Variants in STX2 observed in about 807,000 individuals in gnomAD.
The protein encoded by STX2 is syntaxin 2.
Under a neutral mutation model 40.6 loss-of-function variants are expected in STX2, and 27 were observed. That is an observed-to-expected ratio of 0.66 (90% CI 0.49 to 0.92). The LOEUF is 0.92. STX2 is among the 40% of genes least tolerant of loss of function. STX2 has a pLI of 0.00. For synonymous variants in STX2, 123 were observed against 119.1 expected (o/e 1.03, Z -0.22); for missense variants, 328 against 366.1 (o/e 0.90, Z 0.85).
intron 3 of STX2, among the ~76,000 whole-genome samples, chr12:130,818,185 A>AAAAAAAAATATATATATATATATAT: frequency 5.7e-5 from 4 of 70,542 alleles, no homozygotes; most frequent in African/African-American, 1.2e-4. Flanking sequence ...AAAAAAAAAA[A>AAAAAAAAATATATATATATATATAT]ATATATATAT....
chr12:130,819,665 T>C (rs531387527), intron 3 of STX2, among the ~76,000 whole-genome samples: 7 of 152,248 alleles, frequency 4.6e-5, no homozygotes, highest in East Asian at 1.9e-4. Flanking sequence ...CAAATATAAT[T>C]TCCCTAAGCA....
At chr12:130,826,456 G>A (rs1165257592) in intron 2 of STX2, among the ~76,000 whole-genome samples, 8 of 152,162 alleles carry the variant, frequency 5.3e-5, no homozygotes, top group Non-Finnish European at 1.2e-4. Context: ...AGAAGTGGCC[G>A]CCCACCAGCA....
At chr12:130,822,929 G>C (rs554995215) in intron 2 of STX2, among the ~76,000 whole-genome samples, 2 of 152,350 alleles carry the variant, frequency 1.3e-5, no homozygotes, top group South Asian at 4.1e-4. Context: ...AGTAGATGGA[G>C]ATCCAGCTAC....
chr12:130,812,270 G>T, intron 4 of STX2: 1 of 426,470 alleles, frequency 2.3e-6, no homozygotes, highest in Non-Finnish European at 4.6e-6. Context: ...TATAATTGTG[G>T]TTGTGCTTTT....
Position 130,808,642 on chromosome 12 carries a change from G to A in STX2, c.343C>T (p.Arg115Ter), listed in dbSNP as rs763502332. ...GGCTGATAGCAAACCTGGGTTCTTC[G>A]TATCCGAAGATCCACTGAAGTCCGG... ...GNRTSVDLRI[R>*]RTQHSVLSRK... The change falls in exon 5 of 11, where the codon CGA becomes TGA. Residue 115 changes from arginine (R) to a stop codon, truncating the protein, a stop_gained. Transcript: ENST00000392373. LOFTEE classifies it high-confidence loss of function. 2 of 1,613,094 alleles carry A rather than the reference G, an allele frequency of 1.2e-6. No homozygotes were observed. Among genetic ancestry groups the A allele is most frequent in the South Asian group, 1.1e-5 (1 of 90,714 alleles).
chr12:130,818,498 G>A (rs1408818988), intron 3 of STX2, among the ~76,000 whole-genome samples: 1 of 152,068 alleles, frequency 6.6e-6, no homozygotes, highest in Non-Finnish European at 1.5e-5. Context: ...TGCGTCCAAG[G>A]CCACACAGGG....
intron 1 of STX2, among the ~76,000 whole-genome samples, chr12:130,833,445 C>G (rs1158753264): frequency 7.0e-6 from 1 of 143,454 alleles, no homozygotes; most frequent in African/African-American, 2.6e-5. Context: ...GATTCCCACT[C>G]TGTTAGCCAG....
At position 130,807,952 on chromosome 12, in the gene STX2, G is replaced by A. The variant is rs531717598; in HGVS notation, c.354+679C>T. Among the ~76,000 whole-genome samples, 77 of 152,210 alleles carry A rather than the reference G, an allele frequency of 5.1e-4. 1 individual carries two copies. In the South Asian group the frequency reaches 0.016, roughly 31 times the overall value. On this transcript the variant is annotated intron_variant, in intron 5 of 10. Coordinates refer to ENST00000392373, the MANE Select transcript of STX2 (RefSeq NM_194356.4). ...GCCTCCTGCACAAAGTGCTCACAAG[G>A]AAATTCCTCGTAGGTCCCAGAATCT...
At chr12:130,814,214 T>C (rs927443015) in intron 3 of STX2, among the ~76,000 whole-genome samples, 1 of 151,784 alleles carries the variant, frequency 6.6e-6, no homozygotes, top group Non-Finnish European at 1.5e-5. Context: ...TGCAGGCCCG[T>C]GTCATCTAAG....
rs762904964 is a variant in STX2, at chr12:130,796,150, A to G, written c.787-30T>C. 2.5e-6 allele frequency: 4 copies of G among 1,612,658 alleles called. No individual in the cohort carries two copies. The Middle Eastern group carries it at 6.6e-4, about 266-fold the overall frequency. Reference sequence around the variant, plus strand: ...CAAAGAAAAGCAAGCTGATTATATCATGCATGGTTAATTTCATATTGCCAC... The same window carrying G: ...CAAAGAAAAGCAAGCTGATTATATCGTGCATGGTTAATTTCATATTGCCAC... On this transcript the variant is annotated intron_variant, in intron 9 of 10. Transcript: ENST00000392373.
chr12:130,811,406 A>C (rs1391782314), intron 4 of STX2, among the ~76,000 whole-genome samples: 6 of 151,916 alleles, frequency 3.9e-5, no homozygotes, highest in Non-Finnish European at 2.9e-5. Flanking sequence ...ACTTCTAATG[A>C]ATTATGGATC....
chr12:130,818,185 A>AAAATATAT, intron 3 of STX2, among the ~76,000 whole-genome samples: 20 of 70,540 alleles, frequency 2.8e-4, no homozygotes, highest in African/African-American at 1.1e-3. Context: ...AAAAAAAAAA[A>AAAATATAT]ATATATATAT....
chr12:130,819,847 C>G (rs1439514981), intron 3 of STX2, among the ~76,000 whole-genome samples: 1 of 151,846 alleles, frequency 6.6e-6, no homozygotes, highest in Non-Finnish European at 1.5e-5. Flanking sequence ...GAAGAGGTCC[C>G]CGGAAAGATC....
rs1776513361 is a variant in STX2, at chr12:130,798,555, T to C, written c.756A>G (p.Lys252=). The stretch of plus-strand genomic sequence containing the variant: ...TTGCCTTGCTCTGATATTTGATAGC[T>C]TTTTTTGTTTCTTCTTTAGCGTGTT... ...YVEHAKEETK[K]AIKYQSKARR... The change falls in exon 9 of 11, where the codon AAA becomes AAG. Residue 252 remains lysine, a synonymous_variant. Transcript: ENST00000392373. The C allele has an allele frequency of 6.2e-7, 1 of 1,604,004 alleles. No individual in the cohort carries two copies. The highest frequency in any genetic ancestry group is 8.5e-7 in the Non-Finnish European group (1 of 1,177,002).
At chr12:130,808,523 T>G in intron 5 of STX2, 108 bp downstream of exon 5, 31 of 963,602 alleles carry the variant, frequency 3.2e-5, no homozygotes, top group Non-Finnish European at 3.9e-5. Context: ...AGAAATACTA[T>G]GAGGATAAGC....
rs1950893889 is a variant in STX2, at chr12:130,792,106, T to C, written c.*46-129A>G. ...CCATTATCAAGAAAGGACTCCTCCA[T>C]GTCATAGAAAAGAATGTGATCTTGG... On this transcript the variant is annotated intron_variant, in intron 10 of 10. Coordinates refer to ENST00000392373, the MANE Select transcript of STX2 (RefSeq NM_194356.4). 2 of 575,494 alleles carry C rather than the reference T, an allele frequency of 3.5e-6. 1 individual carries two copies. Among genetic ancestry groups the C allele is most frequent in the South Asian group, 4.5e-5 (2 of 44,182 alleles). The allele number at this position is 575,494 out of a possible 1,614,324, so 35.6% of individuals were successfully genotyped here.
chr12:130,818,184 AAAT>A (rs1473024665), intron 3 of STX2, among the ~76,000 whole-genome samples: 5 of 37,252 alleles, frequency 1.3e-4, no homozygotes, highest in African/African-American at 3.2e-4. Flanking sequence ...AAAAAAAAAA[AAAT>A]ATATATATAT....
At chr12:130,829,525 G>C (rs1294378370) in intron 1 of STX2, among the ~76,000 whole-genome samples, 1 of 87,470 alleles carries the variant, frequency 1.1e-5, no homozygotes, top group Non-Finnish European at 2.7e-5. Context: ...CACCAGCCAT[G>C]CAGGCCAGGT....
intron 4 of STX2, among the ~76,000 whole-genome samples, chr12:130,809,931 A>G (rs1951585749): frequency 6.6e-6 from 1 of 152,186 alleles, no homozygotes; most frequent in South Asian, 2.1e-4. Context: ...GGATCACTTC[A>G]GCCTAGGAGT....
Sources: gnomAD v4.1 joint callset for allele counts (sites outside exome capture counted in the v4.1 genomes callset) on GRCh38, gnomAD v4.1.1 for gene constraint, MANE v1.5 for transcripts, NCBI Gene and HGNC (gene_info 2026-07-23, HGNC 2026-07-21) for gene names.